HS6ST3: variants seen among roughly 807,000 people sequenced by gnomAD.
HS6ST3 encodes heparan sulfate 6-O-sulfotransferase 3, also known as heparan-sulfate 6-O-sulfotransferase 3.
A neutral mutation model predicts 36.7 loss-of-function variants in HS6ST3; 12 were observed. The observed-to-expected ratio is 0.33, with a 90% CI of 0.21 to 0.53. HS6ST3 has a LOEUF of 0.53. HS6ST3 is among the 20% of genes least tolerant of loss of function. The pLI, the probability that HS6ST3 is intolerant of heterozygous loss-of-function variation, is 0.95. For synonymous variants in HS6ST3, 240 were observed against 257.5 expected, an observed-to-expected ratio of 0.93 and a Z score of 0.65; for missense variants, 584 against 640.9, an observed-to-expected ratio of 0.91 and a Z score of 0.96.
intron 1 of HS6ST3, among the ~76,000 whole-genome samples, chr13:96,743,613 T>C (rs1876494137): frequency 6.6e-6 from 1 of 152,078 alleles, no homozygotes; most frequent in Non-Finnish European, 1.5e-5. Context: ...CATGTTTCTT[T>C]CTAGTCTTTC....
intron 1 of HS6ST3, among the ~76,000 whole-genome samples, chr13:96,801,183 G>T (rs1244747735): frequency 6.6e-6 from 1 of 151,996 alleles, no homozygotes; most frequent in Non-Finnish European, 1.5e-5. Context: ...TTACATCAAG[G>T]CTGCTCCATC....
At chr13:96,139,545 A>C (rs1192390193) in intron 1 of HS6ST3, among the ~76,000 whole-genome samples, 1 of 136,442 alleles carries the variant, frequency 7.3e-6, no homozygotes. Flanking sequence ...GATTCAGAAA[A>C]AAAAAAAAAA....
At chr13:96,483,573 T>G (rs1020771231) in intron 1 of HS6ST3, among the ~76,000 whole-genome samples, 2 of 152,220 alleles carry the variant, frequency 1.3e-5, no homozygotes, top group Non-Finnish European at 2.9e-5. Context: ...GAAAGAAGAA[T>G]AAAGAGTGCT....
At chr13:96,357,011 G>A (rs1488582876) in intron 1 of HS6ST3, among the ~76,000 whole-genome samples, 2 of 152,138 alleles carry the variant, frequency 1.3e-5, no homozygotes, top group Non-Finnish European at 2.9e-5. Flanking sequence ...TTATGGAAAT[G>A]GCCTCTTTCC....
intron 1 of HS6ST3, among the ~76,000 whole-genome samples, chr13:96,673,022 A>G (rs2056687478): frequency 1.3e-5 from 2 of 152,182 alleles, no homozygotes; most frequent in Non-Finnish European, 1.5e-5. Flanking sequence ...CAAGATGTCA[A>G]CAGGGCCATG....
intron 1 of HS6ST3, among the ~76,000 whole-genome samples, chr13:96,616,780 G>T (rs2056475723): frequency 6.6e-6 from 1 of 152,130 alleles, no homozygotes; most frequent in African/African-American, 2.4e-5. Context: ...AGTAGACAAA[G>T]TTGGCTAATT....
chr13:96,232,563 G>T (rs1329019447), intron 1 of HS6ST3, among the ~76,000 whole-genome samples: 1 of 152,274 alleles, frequency 6.6e-6, no homozygotes, highest in East Asian at 1.9e-4. Flanking sequence ...TTGGTGAAGA[G>T]CTCTGAGCAT....
At chr13:96,430,905 C>T (rs1183690200) in intron 1 of HS6ST3, among the ~76,000 whole-genome samples, 1 of 152,092 alleles carries the variant, frequency 6.6e-6, no homozygotes, top group African/African-American at 2.4e-5. Flanking sequence ...TTCTTTGGGT[C>T]CAGGCCTAAG....
intron 1 of HS6ST3, among the ~76,000 whole-genome samples, chr13:96,542,771 C>T (rs1227584408): frequency 6.6e-6 from 1 of 152,172 alleles, no homozygotes; most frequent in African/African-American, 2.4e-5. Context: ...AACGGTCAAT[C>T]TCTAGGAGAT....
intron 1 of HS6ST3, among the ~76,000 whole-genome samples, chr13:96,097,125 G>A (rs1346778534): frequency 2.6e-5 from 4 of 152,240 alleles, no homozygotes; most frequent in African/African-American, 9.6e-5. Context: ...ACATGAATTG[G>A]AAGTGGTAAA....
At chr13:96,801,154 C>T (rs1878057883) in intron 1 of HS6ST3, among the ~76,000 whole-genome samples, 1 of 152,090 alleles carries the variant, frequency 6.6e-6, no homozygotes, top group South Asian at 2.1e-4. Context: ...TCAGCACATT[C>T]AGTGTGTTCT....
At chr13:96,711,541 TTGTC>T (rs1875562144) in intron 1 of HS6ST3, among the ~76,000 whole-genome samples, 1 of 152,216 alleles carries the variant, frequency 6.6e-6, no homozygotes, top group Admixed American at 6.5e-5. Flanking sequence ...ACCCACGTCT[TTGTC>T]TGTCTTCACT....
chr13:96,532,936 C>T (rs1350925461), intron 1 of HS6ST3, among the ~76,000 whole-genome samples: 1 of 152,180 alleles, frequency 6.6e-6, no homozygotes, highest in East Asian at 1.9e-4. Context: ...GCCACTTTTG[C>T]TTGCCTGATA....
At chr13:96,639,857 T>C (rs1387086188) in intron 1 of HS6ST3, among the ~76,000 whole-genome samples, 1 of 152,038 alleles carries the variant, frequency 6.6e-6, no homozygotes, top group Non-Finnish European at 1.5e-5. Context: ...GGTCACCAGC[T>C]ACATTCATGT....
At chr13:96,736,381 A>G (rs1194984348) in intron 1 of HS6ST3, among the ~76,000 whole-genome samples, 1 of 152,222 alleles carries the variant, frequency 6.6e-6, no homozygotes, top group Non-Finnish European at 1.5e-5. Context: ...GCAAATTTAG[A>G]CAAAGAATGG....
intron 1 of HS6ST3, among the ~76,000 whole-genome samples, chr13:96,747,025 A>AT (rs554791468): frequency 2.0e-4 from 30 of 151,290 alleles, no homozygotes; most frequent in African/African-American, 5.6e-4. Context: ...CTGCGAGACT[A>AT]TTTTTTTTTC....
At chr13:96,584,046 C>T (rs2056352062) in intron 1 of HS6ST3, among the ~76,000 whole-genome samples, 1 of 152,170 alleles carries the variant, frequency 6.6e-6, no homozygotes, top group Non-Finnish European at 1.5e-5. Context: ...CATTTTATTT[C>T]TCTTACACTA....
intron 1 of HS6ST3, among the ~76,000 whole-genome samples, chr13:96,532,155 G>A (rs1345898305): frequency 8.5e-5 from 13 of 152,194 alleles, no homozygotes; most frequent in Non-Finnish European, 2.9e-5. Context: ...AGGAAAGACT[G>A]TATCAGGAAG....
At chr13:96,780,929 T>G (rs780262853) in intron 1 of HS6ST3, among the ~76,000 whole-genome samples, 26 of 151,784 alleles carry the variant, frequency 1.7e-4, no homozygotes, top group Non-Finnish European at 3.8e-4. Context: ...CAATGACAGC[T>G]GCCAAGCATC....
Sources: allele counts gnomAD v4.1 joint callset (sites outside exome capture counted in the v4.1 genomes callset), GRCh38; gene constraint gnomAD v4.1.1; transcripts MANE v1.5; gene names NCBI Gene and HGNC (gene_info 2026-07-23, HGNC 2026-07-21).